Variants in TRIO observed in about 807,000 individuals in gnomAD.
TRIO encodes triple functional domain protein.
Under a neutral mutation model 351.9 loss-of-function variants are expected in TRIO, and 58 were observed. The ratio of observed to expected loss-of-function variants is 0.16; its 90% CI spans 0.13 to 0.21. The LOEUF (loss-of-function observed/expected upper bound fraction) is 0.21. Among genes scored for constraint, TRIO ranks in the 10% least tolerant of loss-of-function variants. The pLI, the probability that TRIO is intolerant of heterozygous loss-of-function variation, is 1.00. For missense variants in TRIO, 3,201 were observed against 4,027.8 expected, an observed-to-expected ratio of 0.79 and a Z score of 5.56; for synonymous variants, 1,758 against 1,595.7, an observed-to-expected ratio of 1.10 and a Z score of -2.42.
At chr5:14,272,439 A>G (rs563703282) in intron 2 of TRIO, among the ~76,000 whole-genome samples, 2 of 152,336 alleles carry the variant, frequency 1.3e-5, no homozygotes, top group African/African-American at 4.8e-5. Context: ...TGCTTTTATT[A>G]GGCAGTTAAT....
intron 1 of TRIO, among the ~76,000 whole-genome samples, chr5:14,160,702 C>A (rs1201033644): frequency 2.6e-5 from 4 of 152,222 alleles, no homozygotes; most frequent in Admixed American, 6.5e-5. Flanking sequence ...CTTAAAAAGA[C>A]ATCATGTGTT....
At chr5:14,173,402 G>C (rs1789222844) in intron 1 of TRIO, among the ~76,000 whole-genome samples, 1 of 151,856 alleles carries the variant, frequency 6.6e-6, no homozygotes, top group African/African-American at 2.4e-5. Flanking sequence ...AGTAGAGACG[G>C]GCTTTCACCA....
At chr5:14,386,043 G>T (rs965113234) in intron 21 of TRIO, among the ~76,000 whole-genome samples, 26 of 152,184 alleles carry the variant, frequency 1.7e-4, no homozygotes, top group Non-Finnish European at 1.8e-4. Flanking sequence ...AAGGACAGAC[G>T]ACGATTGTAA....
At chr5:14,167,838 G>C (rs1315655611) in intron 1 of TRIO, among the ~76,000 whole-genome samples, 2 of 152,196 alleles carry the variant, frequency 1.3e-5, no homozygotes, top group Non-Finnish European at 2.9e-5. Flanking sequence ...ACCACCAGTG[G>C]AACAAGTACC....
intron 1 of TRIO, among the ~76,000 whole-genome samples, chr5:14,222,939 C>G (rs1792741465): frequency 1.3e-5 from 2 of 152,198 alleles, no homozygotes; most frequent in African/African-American, 2.4e-5. Context: ...ATGTAAGTTC[C>G]TGATTGAGGG....
chr5:14,495,658 GAAAAA>G (rs56018324), intron 49 of TRIO, among the ~76,000 whole-genome samples: 7 of 32,596 alleles, frequency 2.1e-4, no homozygotes, highest in African/African-American at 7.5e-4. Flanking sequence ...GTCTCTACTA[GAAAAA>G]AAAAAAAAAA....
intron 11 of TRIO, among the ~76,000 whole-genome samples, chr5:14,351,263 T>C (rs1448753846): frequency 6.6e-6 from 1 of 152,222 alleles, no homozygotes; most frequent in Non-Finnish European, 1.5e-5. Context: ...GTTCGTCATT[T>C]CAGACAGAGG....
At chr5:14,474,905 G>T (rs1378899950) in intron 40 of TRIO, among the ~76,000 whole-genome samples, 1 of 152,100 alleles carries the variant, frequency 6.6e-6, no homozygotes, top group South Asian at 2.1e-4. Flanking sequence ...GAACTCCTGG[G>T]CTCAAGCAGT....
intron 1 of TRIO, among the ~76,000 whole-genome samples, chr5:14,145,718 G>C (rs1352324633): frequency 6.6e-6 from 1 of 152,174 alleles, no homozygotes; most frequent in African/African-American, 2.4e-5. Context: ...TGTGAGACCA[G>C]GCTTTTTTAC....
Position 14,321,764 on chromosome 5 carries a change from G to A in TRIO, c.1731+5021G>A, listed in dbSNP as rs116596272. On this transcript the variant is annotated intron_variant, in intron 9 of 56. Coordinates refer to ENST00000344204, the MANE Select transcript of TRIO (RefSeq NM_007118.4). ...CATAATTCCCACTTGTCATGGGAGG[G>A]ACCCAGTGAGAGGTAATTGAATCGT... Among the ~76,000 whole-genome samples the A allele has an allele frequency of 8.6e-3, 1,306 of 152,262 alleles. 14 individuals are homozygous for A. Among genetic ancestry groups the A allele is most frequent in the African/African-American group, 0.03 (1,228 of 41,544 alleles).
intron 23 of TRIO, 104 bp from the exon 24 acceptor site, chr5:14,388,509 A>C: frequency 8.9e-7 from 1 of 1,127,922 alleles, no homozygotes; most frequent in Non-Finnish European, 1.3e-6. Flanking sequence ...TCAATCTAAG[A>C]CTAATACTTT....
intron 7 of TRIO, among the ~76,000 whole-genome samples, chr5:14,302,305 C>T (rs1446725455): frequency 2.0e-5 from 3 of 152,206 alleles, no homozygotes; most frequent in African/African-American, 7.2e-5. Flanking sequence ...TACGTTGCAA[C>T]TCCTCTTGGT....
intron 8 of TRIO, among the ~76,000 whole-genome samples, chr5:14,312,972 C>T (rs1321293626): frequency 6.6e-6 from 1 of 152,178 alleles, no homozygotes. Flanking sequence ...ACTATATATG[C>T]CATCCTTTAT....
chr5:14,476,246 A>G (rs114615630), intron 40 of TRIO, among the ~76,000 whole-genome samples: 2,543 of 152,270 alleles, frequency 0.017, 57 homozygotes, highest in African/African-American at 0.059. Flanking sequence ...TGAAACATCT[A>G]TTTTTCACTC....
chr5:14,407,073 AG>A (rs921564287), intron 33 of TRIO, among the ~76,000 whole-genome samples: 9 of 152,286 alleles, frequency 5.9e-5, no homozygotes, highest in African/African-American at 2.2e-4. Context: ...AGCGACTAGG[AG>A]GGACACAAGA....
At chr5:14,421,210 T>G (rs1397052587) in intron 34 of TRIO, among the ~76,000 whole-genome samples, 1 of 132,150 alleles carries the variant, frequency 7.6e-6, no homozygotes, top group African/African-American at 4.0e-5. Flanking sequence ...TTTTTTCCCT[T>G]ATTTAATTAT....
chr5:14,183,947 G>T (rs1396959942), intron 1 of TRIO: 1 of 697,942 alleles, frequency 1.4e-6, no homozygotes, highest in Admixed American at 2.0e-5. Context: ...TACCCAAGAG[G>T]ACATGGCAGA....
intron 8 of TRIO, among the ~76,000 whole-genome samples, chr5:14,306,658 T>C (rs551453314): frequency 6.6e-6 from 1 of 152,322 alleles, no homozygotes; most frequent in Non-Finnish European, 1.5e-5. Context: ...TTGAATAGCC[T>C]TCATTTACAA....
chr5:14,298,830 A>G (rs1332182447), intron 7 of TRIO, among the ~76,000 whole-genome samples: 1 of 152,250 alleles, frequency 6.6e-6, no homozygotes, highest in Non-Finnish European at 1.5e-5. Context: ...AGATAGACAA[A>G]AGCCCACACA....
Sources: allele counts gnomAD v4.1 joint callset (sites outside exome capture counted in the v4.1 genomes callset), GRCh38; gene constraint gnomAD v4.1.1; transcripts MANE v1.5; gene names NCBI Gene and HGNC (gene_info 2026-07-23, HGNC 2026-07-21).